IQGAP3: variants seen among roughly 807,000 people sequenced by gnomAD.
IQGAP3 encodes the protein ras GTPase-activating-like protein IQGAP3.
Under a neutral mutation model 208.2 loss-of-function variants are expected in IQGAP3, and 165 were observed. The ratio of observed to expected loss-of-function variants is 0.79; its 90% CI spans 0.70 to 0.90. The LOEUF (loss-of-function observed/expected upper bound fraction) is 0.90, where lower values mean the gene tolerates loss of function less well. IQGAP3 is among the 40% of genes least tolerant of loss of function. The pLI is 0.00. For missense variants in IQGAP3, 1,811 were observed against 2,043.1 expected, an observed-to-expected ratio of 0.89 and a Z score of 2.19; for synonymous variants, 703 against 803.6, an observed-to-expected ratio of 0.87 and a Z score of 2.12.
Position 156,537,258 on chromosome 1 carries a change from C to G in IQGAP3, c.3345G>C (p.Leu1115=). Residue 1115 remains leucine, a synonymous_variant, in exon 27 of 38, where the codon CTG becomes CTC. Coordinates refer to ENST00000361170, the MANE Select transcript of IQGAP3 (RefSeq NM_178229.5). ...ALSHPEVQRR[L]DIALRNLLAM... is the part of the protein sequence containing the mutation. ...CGAGGAGGTTGCGTAGGGCGATGTC[C>G]AGTCGTCTCTGGACCTCGGGGTGGC... 1 of 1,614,020 alleles carries G rather than the reference C, an allele frequency of 6.2e-7. No homozygotes were observed. Among genetic ancestry groups the G allele is most frequent in the Non-Finnish European group, 8.5e-7 (1 of 1,179,968 alleles).
rs4661045 is a variant in IQGAP3, at chr1:156,548,296, C to G, written c.2133+52G>C. On this transcript the variant is annotated intron_variant, in intron 18 of 37. Transcript: ENST00000361170. ...GTCTTTTGGGGAGTGGGAGCCTCTT[C>G]TTCAGGACATTCCTATCCAAGATCC... 90 of 1,608,540 alleles carry G rather than the reference C, an allele frequency of 5.6e-5. 1 individual carries two copies. The South Asian group carries it at 9.4e-4, about 17-fold the overall frequency.
At chr1:156,551,549 G>A (rs1480779654) in intron 15 of IQGAP3, among the ~76,000 whole-genome samples, 156 bp downstream of exon 15, 1 of 152,144 alleles carries the variant, frequency 6.6e-6, no homozygotes, top group African/African-American at 2.4e-5. Context: ...CCTGGCAACA[G>A]GGCCATCCTT....
intron 12 of IQGAP3, among the ~76,000 whole-genome samples, chr1:156,555,750 T>A (rs1369409036): frequency 6.6e-6 from 1 of 152,206 alleles, no homozygotes; most frequent in Non-Finnish European, 1.5e-5. Context: ...TTGCCCAATG[T>A]CACATAGCTA....
At chr1:156,531,819 G>A (rs1285352008) in intron 32 of IQGAP3, among the ~76,000 whole-genome samples, 1 of 151,818 alleles carries the variant, frequency 6.6e-6, no homozygotes, top group Non-Finnish European at 1.5e-5. Flanking sequence ...TGGCCAGGCT[G>A]GTCTCGAACT....
Position 156,537,204 on chromosome 1 carries a change from G to A in IQGAP3, c.3399C>T (p.Ile1133=). Residue 1133 remains isoleucine (I), a synonymous_variant, in exon 27 of 38, where the codon ATC becomes ATT. Coordinates refer to ENST00000361170, the MANE Select transcript of IQGAP3 (RefSeq NM_178229.5). The part of the protein sequence containing the change: ...LAMTDKFLLA[I]TSSVDQIPYG... ...ACGGAATTTGGTCCACAGATGAGGT[G>A]ATGGCTAAAAGGAACTTATCAGTCA... 1 of 1,613,990 alleles carries A rather than the reference G, an allele frequency of 6.2e-7. No homozygotes were observed.
intron 11 of IQGAP3, among the ~76,000 whole-genome samples, chr1:156,558,527 C>T (rs1454671860): frequency 1.7e-4 from 1 of 5,880 alleles, no homozygotes; most frequent in African/African-American, 1.8e-4. Flanking sequence ...CCCGGCCAGC[C>T]GCCCCACCCG....
At chr1:156,531,608 T>TC (rs1674409871) in intron 32 of IQGAP3, among the ~76,000 whole-genome samples, 1 of 149,724 alleles carries the variant, frequency 6.7e-6, no homozygotes, top group Non-Finnish European at 1.5e-5. Flanking sequence ...CACTTGTTTT[T>TC]TTTTTTTTTT....
chr1:156,533,100 C>T lies in IQGAP3; in HGVS notation c.3983G>A (p.Ser1328Asn). The T allele has an allele frequency of 1.2e-6, 2 of 1,613,968 alleles. No individual in the cohort carries two copies. The highest frequency in any genetic ancestry group is 1.3e-5 in the African/African-American group (1 of 75,024). The part of the protein sequence containing the change: ...LPTIPDLIGE[S>N]IAADGHTDLS... ...GTCCGTGTGCCCATCTGCAGCGATG[C>T]TCTCACCTGAGGTGTGGTGAGGAAT... The change falls in exon 32 of 38, where the codon AGC (serine) becomes AAC (asparagine). Residue 1328 changes from serine to asparagine, a missense_variant. Coordinates refer to ENST00000361170, the MANE Select transcript of IQGAP3 (RefSeq NM_178229.5).
chr1:156,531,335 G>C, intron 32 of IQGAP3, 88 bp from the exon 33 acceptor site: 1 of 961,688 alleles, frequency 1.0e-6, no homozygotes, highest in South Asian at 1.3e-5. Flanking sequence ...AGAGTAAGTG[G>C]ACCGTGCTCT....
intron 19 of IQGAP3, among the ~76,000 whole-genome samples, chr1:156,544,979 C>T (rs1018026816): frequency 2.6e-5 from 4 of 152,158 alleles, no homozygotes; most frequent in Admixed American, 1.3e-4. Flanking sequence ...GGCACAGAGC[C>T]GTGTGCTCAC....
chr1:156,568,931 A>C (rs1480923959), intron 2 of IQGAP3, among the ~76,000 whole-genome samples: 1 of 152,164 alleles, frequency 6.6e-6, no homozygotes, highest in Admixed American at 6.5e-5. Context: ...GCAAGTCAAT[A>C]AGATAATGAA....
chr1:156,539,298 G>T (rs1674863249), intron 25 of IQGAP3, 76 bp downstream of exon 25: 1 of 1,405,524 alleles, frequency 7.1e-7, no homozygotes. Flanking sequence ...TCAACAAGTT[G>T]TCACCTTGTG....
At position 156,567,306 on chromosome 1, in the gene IQGAP3, TGAG is replaced by T. The variant is rs1676454109; in HGVS notation, c.126-763_126-761del. 2.6e-5 allele frequency among the ~76,000 whole-genome samples: 4 copies of T among 152,276 alleles called. No homozygotes were observed. The South Asian group carries it at 8.3e-4, about 32-fold the overall frequency. The stretch of plus-strand genomic sequence containing the variant: ...GCTCATAACCCAGCTTTGATGATGA[TGAG>T]AGTAGTGGGGCTGGTGGAAGGGGAG... On this transcript the variant is annotated intron_variant, in intron 2 of 37. Transcript: ENST00000361170.
chr1:156,526,433 A>G lies in IQGAP3; in HGVS notation c.*53T>C. 8.5e-7 allele frequency: 1 copy of G among 1,172,106 alleles called. No homozygotes were observed. The highest frequency in any genetic ancestry group is 1.2e-5 in the South Asian group (1 of 81,302). 72.6% of individuals were successfully genotyped at this position (1,172,106 alleles called of 1,614,324 possible). ...GGAAGCACAGTGGTGAGTTAGTGTT[A>G]AAGAAAGCATCCAGAGAGGTAAGAG... On this transcript the variant is annotated 3_prime_UTR_variant, in exon 38 of 38. Coordinates refer to ENST00000361170, the MANE Select transcript of IQGAP3 (RefSeq NM_178229.5).
At chr1:156,528,740 G>C in intron 35 of IQGAP3, 130 bp from the exon 36 acceptor site, 1 of 1,017,068 alleles carries the variant, frequency 9.8e-7, no homozygotes. Context: ...AGAGGAGGGG[G>C]GCTGCACTTG....
chr1:156,535,685 T>A (rs527747279), intron 27 of IQGAP3, among the ~76,000 whole-genome samples: 3 of 152,296 alleles, frequency 2.0e-5, no homozygotes, highest in African/African-American at 7.2e-5. Flanking sequence ...GTAGTCAACC[T>A]TGTCAGCTGT....
intron 10 of IQGAP3, 41 bp downstream of exon 10, chr1:156,561,797 A>G (rs759967751): frequency 9.4e-6 from 15 of 1,598,184 alleles, no homozygotes. Flanking sequence ...CCTATCCTAT[A>G]GTCACATACA....
At chr1:156,528,699 C>A (rs1571305925) in intron 35 of IQGAP3, 89 bp from the exon 36 acceptor site, 10 of 1,191,196 alleles carry the variant, frequency 8.4e-6, no homozygotes, top group Non-Finnish European at 9.6e-6. Flanking sequence ...GGAAATGAGA[C>A]CCCGAGGAAG....
At chr1:156,542,485 C>T (rs560555737) in intron 22 of IQGAP3, among the ~76,000 whole-genome samples, 4 of 152,246 alleles carry the variant, frequency 2.6e-5, no homozygotes, top group Middle Eastern at 3.4e-3. Flanking sequence ...CCACCAGGCC[C>T]GGCCTGGGGA....
Sources: allele counts gnomAD v4.1 joint callset (sites outside exome capture counted in the v4.1 genomes callset), GRCh38; gene constraint gnomAD v4.1.1; transcripts MANE v1.5; gene names NCBI Gene and HGNC (gene_info 2026-07-23, HGNC 2026-07-21).